Variants in SMG5 observed in about 807,000 individuals in gnomAD.
The protein encoded by SMG5 is nonsense-mediated mRNA decay factor SMG5.
A neutral mutation model predicts 122.9 loss-of-function variants in SMG5; 53 were observed. That is an observed-to-expected ratio of 0.43 (90% CI 0.35 to 0.54). SMG5 has a LOEUF of 0.54. Among genes scored for constraint, SMG5 ranks in the 20% least tolerant of loss-of-function variants. The pLI is 0.01. For missense variants in SMG5, 1,153 were observed against 1,285.6 expected (o/e 0.90, Z 1.58); for synonymous variants, 477 against 490.2 (o/e 0.97, Z 0.35).
intron 1 of SMG5, among the ~76,000 whole-genome samples, chr1:156,280,191 T>C (rs1662868081): frequency 6.6e-6 from 1 of 152,056 alleles, no homozygotes; most frequent in African/African-American, 2.4e-5. Flanking sequence ...GTCCCAGAGG[T>C]AGGTCTCATA....
Position 156,250,973 on chromosome 1 carries a change from CT to C in SMG5, c.2851del (p.Ser951AlafsTer5). The C allele has an allele frequency of 6.2e-7, 1 of 1,614,006 alleles. No individual in the cohort carries two copies. The highest frequency in any genetic ancestry group is 8.5e-7 in the Non-Finnish European group (1 of 1,179,972). The stretch of plus-strand genomic sequence containing the variant: ...CTGGGCCAGAGTCAGCTGTTTGCAG[CT>C]GTCTAGGATCTTATAGAGAGTCCTG... ...DAWTLYKILD[S>X]CKQLTLAQGA... On this transcript the variant is annotated frameshift_variant, in exon 21 of 22. Transcript: ENST00000361813. LOFTEE classifies it high-confidence loss of function.
chr1:156,258,889 A>G (rs1661691307), intron 16 of SMG5, 116 bp downstream of exon 16: 11 of 1,284,012 alleles, frequency 8.6e-6, no homozygotes, highest in Non-Finnish European at 1.2e-5. Flanking sequence ...CCCTCTCCCT[A>G]GGCATCTTAC....
At chr1:156,275,899 C>T (rs558338421) in intron 4 of SMG5, among the ~76,000 whole-genome samples, 1 of 151,416 alleles carries the variant, frequency 6.6e-6, no homozygotes, top group African/African-American at 2.4e-5. Context: ...ACTGCAGCCT[C>T]GAACTCCTGG....
chr1:156,273,535 G>A (rs1189888723), intron 5 of SMG5, 85 bp from the exon 6 acceptor site: 2 of 1,285,774 alleles, frequency 1.6e-6, no homozygotes, highest in Non-Finnish European at 2.2e-6. Flanking sequence ...CACTCTGAGA[G>A]TGGTAACAAG....
At chr1:156,288,192 C>T in the SMG5 span, among the ~76,000 whole-genome samples, 9 of 140,940 alleles carry the variant, frequency 6.4e-5, no homozygotes, top group Non-Finnish European at 1.2e-4. Flanking sequence ...AGTGAGACTC[C>T]GTCTCAAAAA....
chr1:156,279,514 T>C (rs1348497194), intron 1 of SMG5, among the ~76,000 whole-genome samples: 1 of 152,204 alleles, frequency 6.6e-6, no homozygotes, highest in Non-Finnish European at 1.5e-5. Flanking sequence ...TCTGTGCCTT[T>C]GGGCAAATTA....
chr1:156,288,289 G>T, the SMG5 span, among the ~76,000 whole-genome samples: 8 of 150,274 alleles, frequency 5.3e-5, no homozygotes, highest in Non-Finnish European at 1.2e-4. Flanking sequence ...CCAAATGCAG[G>T]TCTTTTCTTT....
chr1:156,250,974 T>C lies in SMG5; in HGVS notation c.2851A>G (p.Ser951Gly). ...DAWTLYKILD[S>G]CKQLTLAQGA... The stretch of plus-strand genomic sequence containing the variant: ...TGGGCCAGAGTCAGCTGTTTGCAGC[T>C]GTCTAGGATCTTATAGAGAGTCCTG... Residue 951 changes from serine to glycine, a missense_variant, in exon 21 of 22, where the codon AGC becomes GGC. Coordinates refer to ENST00000361813, the MANE Select transcript of SMG5 (RefSeq NM_015327.3). The C allele has an allele frequency of 6.2e-7, 1 of 1,613,992 alleles. No individual in the cohort carries two copies. The highest frequency in any genetic ancestry group is 8.5e-7 in the Non-Finnish European group (1 of 1,179,952).
In SMG5 at chr1:156,268,411, G is replaced by C. The variant is rs115824914; in HGVS notation, c.718C>G (p.Gln240Glu). The stretch of plus-strand genomic sequence containing the variant: ...GCTCCCTCAAAGGACACTTCTGACT[G>C]GATGCTGTAAGAGATAGAGGTGAGC... ...EAMYCYLRCI[Q>E]SEVSFEGAYG... Residue 240 changes from glutamine (Q) to glutamate (E), a missense_variant, in exon 8 of 22, where the codon CAG becomes GAG. By Grantham distance (29) the Gln-to-Glu change is conservative (BLOSUM62 2). Coordinates refer to ENST00000361813, the MANE Select transcript of SMG5 (RefSeq NM_015327.3). The C allele has an allele frequency of 2.5e-5, 41 of 1,613,822 alleles. No homozygotes were observed. In the African/African-American group the frequency reaches 4.9e-4, roughly 19 times the overall value.
At chr1:156,254,469 G>C (rs1179443095) in intron 16 of SMG5, among the ~76,000 whole-genome samples, 1 of 151,994 alleles carries the variant, frequency 6.6e-6, no homozygotes, top group Admixed American at 6.6e-5. Context: ...TTTGAGACAG[G>C]GTCTCACTAT....
At chr1:156,253,790 T>G (rs1661461015) in intron 16 of SMG5, 2 of 469,914 alleles carry the variant, frequency 4.3e-6, no homozygotes, top group Non-Finnish European at 7.9e-6. Context: ...GGACATCACC[T>G]GGCTGTGCCT....
intron 20 of SMG5, 194 bp from the exon 21 acceptor site, chr1:156,251,190 C>T (rs570675066): frequency 3.5e-5 from 32 of 911,514 alleles, no homozygotes; most frequent in African/African-American, 5.0e-5. Flanking sequence ...GCCTGAGCAT[C>T]GCAAGGCCCA....
At chr1:156,284,757 TGGA>T (rs1235124941), upstream of SMG5, among the ~76,000 whole-genome samples, 1 of 151,986 alleles carries the variant, frequency 6.6e-6, no homozygotes, top group African/African-American at 2.4e-5. Context: ...GATGGGACAG[TGGA>T]GAGGAAGCTT....
At chr1:156,267,995 G>T in intron 9 of SMG5, 120 bp downstream of exon 9, 2 of 1,035,962 alleles carry the variant, frequency 1.9e-6, no homozygotes, top group Non-Finnish European at 2.9e-6. Context: ...AGGATGAATT[G>T]GTTACGGATG....
In SMG5 at chr1:156,263,469, C is replaced by G. The variant is rs1661955600; in HGVS notation, c.1957G>C (p.Gly653Arg). The change falls in exon 13 of 22, where the codon GGT (glycine) becomes CGT (arginine). Residue 653 changes from glycine to arginine, a missense_variant. Physicochemically the swap from Gly to Arg is moderately radical, Grantham distance 125. Around this residue, in one of 5 missense-constraint regions of SMG5, gnomAD observed 631 missense variants for 650.6 expected, o/e 0.97. Coordinates refer to ENST00000361813, the MANE Select transcript of SMG5 (RefSeq NM_015327.3). ...AAGACTTTCACAGCAGGAAGCAGAC[C>G]TTCGGCCATCAGGACCTGAAGCTTC... is the stretch of plus-strand genomic sequence containing the variant. ...QEKLQVLMAE[G>R]LLPAVKVFLD... is the part of the protein sequence containing the mutation. 6.2e-7 allele frequency: 1 copy of G among 1,614,134 alleles called. No homozygotes were observed. The highest frequency in any genetic ancestry group is 1.7e-5 in the Admixed American group (1 of 60,004).
chr1:156,256,189 AGTCCTGCACAACAAAGAATT>A (rs1336242360), intron 16 of SMG5, among the ~76,000 whole-genome samples: 1 of 152,134 alleles, frequency 6.6e-6, no homozygotes, highest in Non-Finnish European at 1.5e-5. Context: ...CCCCCTGCAG[AGTCCTGCACAACAAAGAATT>A]GTCCTGCCCA....
chr1:156,286,089 T>C, upstream of SMG5: 2 of 1,489,316 alleles, frequency 1.3e-6, no homozygotes, highest in East Asian at 2.3e-5. Flanking sequence ...CCTGGGCCCC[T>C]CAGGGTCTCC....
At chr1:156,251,267 G>A (rs1269008946) in intron 20 of SMG5, 136 bp downstream of exon 20, 19 of 1,077,350 alleles carry the variant, frequency 1.8e-5, no homozygotes, top group South Asian at 1.5e-4. Context: ...CTCGCAAGGT[G>A]AGGCCTGCAG....
chr1:156,263,976 G>C (rs907763846), intron 12 of SMG5, among the ~76,000 whole-genome samples: 1 of 152,120 alleles, frequency 6.6e-6, no homozygotes, highest in Non-Finnish European at 1.5e-5. Context: ...GGTTTTAAAA[G>C]AGTTACTTTC....
Sources: allele counts gnomAD v4.1 joint callset (sites outside exome capture counted in the v4.1 genomes callset), GRCh38; gene constraint gnomAD v4.1.1; regional missense constraint gnomAD v4.1.1; transcripts MANE v1.5; gene names NCBI Gene and HGNC (gene_info 2026-07-23, HGNC 2026-07-21).